Variants in SPATA45 observed in about 807,000 individuals in gnomAD.
SPATA45 encodes the protein spermatogenesis-associated protein 45.
Under a neutral mutation model 7.0 loss-of-function variants are expected in SPATA45, and 5 were observed. That is an observed-to-expected ratio of 0.71 (90% CI 0.37 to 1.50). SPATA45 has a LOEUF of 1.50. SPATA45 is among the 40% of genes most tolerant of loss of function. The probability of loss-of-function intolerance (pLI) is 0.03; values close to 1 mark genes in which losing one functional copy is unlikely to be tolerated. For missense variants in SPATA45, 111 were observed against 114.9 expected, an observed-to-expected ratio of 0.97 and a Z score of 0.16; for synonymous variants, 40 against 38.7, an observed-to-expected ratio of 1.03 and a Z score of -0.13.
At chr1:212,846,620 T>A (rs371510820) in intron 1 of SPATA45, among the ~76,000 whole-genome samples, 2 of 152,212 alleles carry the variant, frequency 1.3e-5, no homozygotes, top group South Asian at 2.1e-4. Flanking sequence ...TACTTTGTAA[T>A]ATTCTTCCCT....
intron 1 of SPATA45, among the ~76,000 whole-genome samples, chr1:212,841,029 T>C (rs1297219002): frequency 6.6e-6 from 1 of 150,586 alleles, no homozygotes; most frequent in African/African-American, 2.4e-5. Context: ...CAACCCTGAC[T>C]CCCTGGTTTC....
At chr1:212,830,335 G>A in intron 2 of SPATA45, 74 bp from the exon 3 acceptor site, 1 of 890,670 alleles carries the variant, frequency 1.1e-6, no homozygotes, top group Non-Finnish European at 1.7e-6. Context: ...AATAACCCTG[G>A]AGGGCAGAGT....
At chr1:212,844,174 G>A (rs1339991708) in intron 1 of SPATA45, among the ~76,000 whole-genome samples, 1 of 152,164 alleles carries the variant, frequency 6.6e-6, no homozygotes, top group Non-Finnish European at 1.5e-5. Context: ...TACTGTTTTA[G>A]CTTAGCCCTC....
intron 1 of SPATA45, among the ~76,000 whole-genome samples, chr1:212,841,244 T>C (rs1009123143): frequency 2.0e-5 from 3 of 152,100 alleles, no homozygotes; most frequent in Admixed American, 1.3e-4. Flanking sequence ...CTGCAACCTC[T>C]GCCTCCTAGG....
rs553879752 is a variant in SPATA45, at chr1:212,830,542, C to T, written c.278-281G>A. Among the ~76,000 whole-genome samples, 21 of 149,790 alleles carry T rather than the reference C, an allele frequency of 1.4e-4. 1 individual carries two copies. In the South Asian group the frequency reaches 3.9e-3, roughly 28 times the overall value. The stretch of plus-strand genomic sequence containing the variant: ...CAAAAATTAGCCGGGCGTCGTGGCG[C>T]GCTCCTGTAGTCCCAGCTACTCAGG... On this transcript the variant is annotated intron_variant, in intron 2 of 2. Transcript: ENST00000332912.
chr1:212,830,446 C>T (rs1474375137), intron 2 of SPATA45, among the ~76,000 whole-genome samples, 185 bp from the exon 3 acceptor site: 3 of 150,886 alleles, frequency 2.0e-5, no homozygotes, highest in Non-Finnish European at 4.4e-5. Flanking sequence ...CCGAGGTGGG[C>T]GGATCACGAG....
intron 1 of SPATA45, among the ~76,000 whole-genome samples, chr1:212,841,522 C>A (rs1663683251): frequency 6.6e-6 from 1 of 151,480 alleles, no homozygotes; most frequent in South Asian, 2.1e-4. Flanking sequence ...TATAATAATG[C>A]TTTGAAACAC....
intron 2 of SPATA45, among the ~76,000 whole-genome samples, chr1:212,830,902 G>A (rs755698895): frequency 6.0e-5 from 9 of 150,984 alleles, no homozygotes; most frequent in Non-Finnish European, 1.3e-4. Context: ...GAAATCAGTT[G>A]AACCCGGGAG....
intron 2 of SPATA45, among the ~76,000 whole-genome samples, chr1:212,831,389 C>T (rs563018908): frequency 3.0e-4 from 45 of 150,404 alleles, no homozygotes; most frequent in African/African-American, 1.0e-3. Flanking sequence ...AGGAGGATCG[C>T]TCGAGCCCAG....
chr1:212,841,689 G>A (rs1663688402), intron 1 of SPATA45, among the ~76,000 whole-genome samples: 1 of 147,264 alleles, frequency 6.8e-6, no homozygotes, highest in Admixed American at 6.8e-5. Context: ...CCCAGGCTGG[G>A]CGTCACTCCC....
intron 2 of SPATA45, among the ~76,000 whole-genome samples, chr1:212,831,187 G>T (rs555610320): frequency 6.6e-6 from 1 of 150,816 alleles, no homozygotes; most frequent in South Asian, 2.1e-4. Flanking sequence ...AACACCAAAT[G>T]GTTGGGCACG....
chr1:212,844,707 T>C (rs1200978053), intron 1 of SPATA45, among the ~76,000 whole-genome samples: 2 of 152,198 alleles, frequency 1.3e-5, no homozygotes, highest in Non-Finnish European at 2.9e-5. Context: ...CATCAATATT[T>C]ATACTGACTC....
chr1:212,835,782 G>A, intron 2 of SPATA45, 91 bp downstream of exon 2: 1 of 1,167,862 alleles, frequency 8.6e-7, no homozygotes. Context: ...GTTGCAGTGA[G>A]CTGAGATCGC....
At chr1:212,831,387 C>T (rs956847056) in intron 2 of SPATA45, among the ~76,000 whole-genome samples, 2 of 150,220 alleles carry the variant, frequency 1.3e-5, no homozygotes, top group Non-Finnish European at 3.0e-5. Context: ...GTAGGAGGAT[C>T]GCTCGAGCCC....
At chr1:212,840,949 TC>T (rs1663670793) in intron 1 of SPATA45, among the ~76,000 whole-genome samples, 1 of 151,442 alleles carries the variant, frequency 6.6e-6, no homozygotes, top group African/African-American at 2.4e-5. Flanking sequence ...TCTCTCTCTC[TC>T]TTCTTTTTTG....
chr1:212,841,683 G>C (rs1663688306), intron 1 of SPATA45, among the ~76,000 whole-genome samples: 1 of 146,854 alleles, frequency 6.8e-6, no homozygotes, highest in Non-Finnish European at 1.5e-5. Context: ...CTGTCGCCCA[G>C]GCTGGGCGTC....
At chr1:212,842,380 AAAAAATAAAAT>A (rs1366064204) in intron 1 of SPATA45, among the ~76,000 whole-genome samples, 1 of 152,050 alleles carries the variant, frequency 6.6e-6, no homozygotes, top group African/African-American at 2.4e-5. Flanking sequence ...CTTGGTCTCA[AAAAAATAAAAT>A]AAAAATAAAA....
intron 2 of SPATA45, among the ~76,000 whole-genome samples, chr1:212,834,549 C>T (rs1044929332): frequency 6.6e-6 from 1 of 151,134 alleles, no homozygotes; most frequent in Non-Finnish European, 1.5e-5. Context: ...CTCTGGGATT[C>T]AAACAATTCT....
In SPATA45 at chr1:212,847,561, G is replaced by A. The variant is rs1397141099; in HGVS notation, c.-39+19C>T. On this transcript the variant is annotated intron_variant, in intron 1 of 2. Transcript: ENST00000332912. ...AGAAAATATATTACTATTTCTACAG[G>A]TATATTATTATAAATTACCTTTAGC... 1 of 151,986 alleles carries A rather than the reference G, an allele frequency of 6.6e-6. No homozygotes were observed. Among genetic ancestry groups the A allele is most frequent in the East Asian group, 1.9e-4 (1 of 5,196 alleles). The allele number at this position is 151,986 out of a possible 1,614,324, so 9.4% of individuals were successfully genotyped here.
Sources: allele counts gnomAD v4.1 joint callset (sites outside exome capture counted in the v4.1 genomes callset), GRCh38; gene constraint gnomAD v4.1.1; transcripts MANE v1.5; gene names NCBI Gene and HGNC (gene_info 2026-07-23, HGNC 2026-07-21).